PDE1C: variants seen among roughly 807,000 people sequenced by gnomAD.
PDE1C encodes the protein phosphodiesterase 1C, also known as dual specificity calcium/calmodulin-dependent 3',5'-cyclic nucleotide phosphodiesterase 1C.
In PDE1C, 62 loss-of-function variants were observed where a neutral mutation model predicts 93.1. The ratio of observed to expected loss-of-function variants is 0.67; its 90% CI spans 0.54 to 0.82. PDE1C has a LOEUF of 0.82. Ranked by LOEUF, PDE1C falls within the 40% of genes least tolerant of loss-of-function variation. The pLI is 0.00. For synonymous variants in PDE1C, 325 were observed against 310.1 expected, an observed-to-expected ratio of 1.05 and a Z score of -0.50; for missense variants, 742 against 884.6, an observed-to-expected ratio of 0.84 and a Z score of 2.04.
intron 17 of PDE1C, among the ~76,000 whole-genome samples, chr7:31,758,790 G>C (rs1794639162): frequency 6.6e-6 from 1 of 152,118 alleles, no homozygotes; most frequent in Non-Finnish European, 1.5e-5. Context: ...AAGCAGTGCC[G>C]TTACCCTGGA....
At chr7:31,836,401 C>T (rs931426925) in intron 11 of PDE1C, among the ~76,000 whole-genome samples, 5 of 152,070 alleles carry the variant, frequency 3.3e-5, no homozygotes, top group African/African-American at 4.8e-5. Context: ...GCAGTGCGAT[C>T]TCGGCTAACT....
intron 14 of PDE1C, 78 bp from the exon 15 acceptor site, chr7:31,816,232 T>G: frequency 7.6e-7 from 1 of 1,321,506 alleles, no homozygotes; most frequent in South Asian, 1.3e-5. Flanking sequence ...CCTGTTTTAG[T>G]ACACAAAGAG....
intron 7 of PDE1C, among the ~76,000 whole-genome samples, chr7:31,857,724 A>T (rs1240761830): frequency 6.6e-6 from 1 of 152,160 alleles, no homozygotes; most frequent in Non-Finnish European, 1.5e-5. Flanking sequence ...ACCAAACTTC[A>T]CTAGACATTT....
chr7:31,949,665 T>C (rs929949152), intron 2 of PDE1C, among the ~76,000 whole-genome samples: 3 of 152,194 alleles, frequency 2.0e-5, no homozygotes, highest in African/African-American at 7.2e-5. Context: ...AGAAATAGAT[T>C]GAATTAGATT....
chr7:31,997,754 C>A (rs948995717), intron 2 of PDE1C, among the ~76,000 whole-genome samples: 1 of 152,170 alleles, frequency 6.6e-6, no homozygotes, highest in African/African-American at 2.4e-5. Context: ...ATCCCACCTA[C>A]ACAGAGAGGG....
chr7:32,236,067 G>A (rs1449769742), intron 1 of PDE1C, among the ~76,000 whole-genome samples: 2 of 151,806 alleles, frequency 1.3e-5, no homozygotes, highest in Non-Finnish European at 2.9e-5. Context: ...AAATGATGTT[G>A]GAATAATTGA....
At chr7:31,801,054 T>C (rs190987310) in intron 16 of PDE1C, among the ~76,000 whole-genome samples, 1 of 148,522 alleles carries the variant, frequency 6.7e-6, no homozygotes, top group Non-Finnish European at 1.5e-5. Flanking sequence ...GAAAAAAAAA[T>C]CTCAAATCGG....
At chr7:31,768,078 T>C (rs143592989) in intron 17 of PDE1C, among the ~76,000 whole-genome samples, 124 of 152,364 alleles carry the variant, frequency 8.1e-4, no homozygotes, top group African/African-American at 2.8e-3. Flanking sequence ...CTTTGAGCTA[T>C]AGCAAGGGTA....
the PDE1C span, among the ~76,000 whole-genome samples, chr7:31,711,510 AG>A: frequency 6.6e-6 from 1 of 152,212 alleles, no homozygotes; most frequent in East Asian, 1.9e-4. Context: ...TTCTGAAAAT[AG>A]GGTCCAAAAA....
chr7:31,642,657 C>G, the PDE1C span: 1 of 1,601,904 alleles, frequency 6.2e-7, no homozygotes, highest in Non-Finnish European at 8.5e-7. Flanking sequence ...TGACCTGTTT[C>G]CCTTTGTCCT....
At chr7:31,705,453 G>C in the PDE1C span, among the ~76,000 whole-genome samples, 2 of 150,664 alleles carry the variant, frequency 1.3e-5, no homozygotes, top group South Asian at 4.3e-4. Flanking sequence ...TGTGCAGCTG[G>C]TGTACGAGAA....
chr7:31,831,539 T>C (rs3729622), intron 11 of PDE1C, among the ~76,000 whole-genome samples: 7,427 of 151,778 alleles, frequency 0.049, 227 homozygotes, highest in Middle Eastern at 0.11. Flanking sequence ...CACCGCTTCA[T>C]AGGACCCTAA....
chr7:32,076,226 T>C (rs1796345588), upstream of PDE1C, among the ~76,000 whole-genome samples: 2 of 152,170 alleles, frequency 1.3e-5, no homozygotes, highest in African/African-American at 4.8e-5. Context: ...ATGGGAGATT[T>C]GATGTGGCCC....
intron 3 of PDE1C, among the ~76,000 whole-genome samples, chr7:32,077,498 T>C (rs1272044817): frequency 6.6e-6 from 1 of 152,236 alleles, no homozygotes; most frequent in Non-Finnish European, 1.5e-5. Flanking sequence ...ATCATTGCTA[T>C]ATTACATACA....
At chr7:32,095,386 G>C (rs778592460) in intron 3 of PDE1C, among the ~76,000 whole-genome samples, 21 of 152,248 alleles carry the variant, frequency 1.4e-4, no homozygotes, top group Admixed American at 9.2e-4. Context: ...GCCGGACATG[G>C]ACTCCTGCCT....
At chr7:31,669,655 C>T in the PDE1C span, among the ~76,000 whole-genome samples, 5 of 152,146 alleles carry the variant, frequency 3.3e-5, no homozygotes, top group East Asian at 1.9e-4. Context: ...ATAGAATTTA[C>T]ATCAGACTCT....
the PDE1C span, among the ~76,000 whole-genome samples, chr7:31,651,430 A>G: frequency 6.6e-6 from 1 of 152,064 alleles, no homozygotes; most frequent in Non-Finnish European, 1.5e-5. Context: ...TCTCAGTGGG[A>G]GTCTGTGAGA....
intron 2 of PDE1C, among the ~76,000 whole-genome samples, chr7:31,924,682 G>A (rs1803111268): frequency 2.0e-5 from 3 of 152,146 alleles, no homozygotes; most frequent in South Asian, 4.1e-4. Flanking sequence ...GGAAGACAAC[G>A]TTTTACTCGA....
intron 2 of PDE1C, among the ~76,000 whole-genome samples, chr7:31,957,655 T>A (rs890825456): frequency 6.6e-6 from 1 of 152,216 alleles, no homozygotes; most frequent in Non-Finnish European, 1.5e-5. Flanking sequence ...CACTGGGCCA[T>A]ATTAGCACAG....
Sources: allele counts gnomAD v4.1 joint callset (sites outside exome capture counted in the v4.1 genomes callset), GRCh38; gene constraint gnomAD v4.1.1; transcripts MANE v1.5; gene names NCBI Gene and HGNC (gene_info 2026-07-23, HGNC 2026-07-21).